The following DCC variants were observed in gnomAD, a reference collection of about 807,000 sequenced individuals.
The protein encoded by DCC is netrin receptor DCC.
In DCC, 58 loss-of-function variants were observed where a neutral mutation model predicts 172.5. That is an observed-to-expected ratio of 0.34 (90% CI 0.27 to 0.42). The LOEUF (loss-of-function observed/expected upper bound fraction) is 0.42, where lower values mean the gene tolerates loss of function less well. DCC is among the 10% of genes least tolerant of loss of function. The pLI is 1.00. For synonymous variants in DCC, 709 were observed against 644.5 expected (o/e 1.10, Z -1.52); for missense variants, 1,740 against 1,791.0 (o/e 0.97, Z 0.51).
intron 5 of DCC, among the ~76,000 whole-genome samples, chr18:52,980,308 AGTT>A (rs1205483570): frequency 6.6e-6 from 1 of 152,092 alleles, no homozygotes; most frequent in South Asian, 2.1e-4. Flanking sequence ...GAATTCAGGT[AGTT>A]GTTTGTTTTA....
At chr18:53,415,054 G>A (rs1458689187) in intron 20 of DCC, among the ~76,000 whole-genome samples, 6 of 152,182 alleles carry the variant, frequency 3.9e-5, no homozygotes, top group African/African-American at 1.2e-4. Context: ...CAATATCTAC[G>A]TATTTCAGTT....
At chr18:52,950,929 C>CAAAAAAAAAAAAAAAAAAAAA (rs755118442) in intron 5 of DCC, among the ~76,000 whole-genome samples, 1 of 57,422 alleles carries the variant, frequency 1.7e-5, no homozygotes, top group Non-Finnish European at 3.1e-5. Context: ...GACTCCGTCT[C>CAAAAAAAAAAAAAAAAAAAAA]AAAAAAAAAA....
intron 11 of DCC, among the ~76,000 whole-genome samples, chr18:53,210,648 TGAC>T (rs1175273005): frequency 1.3e-5 from 2 of 152,212 alleles, no homozygotes; most frequent in Non-Finnish European, 2.9e-5. Flanking sequence ...ATTTAATATA[TGAC>T]TGTGTCTAAA....
chr18:53,022,308 C>T (rs2041891798), intron 5 of DCC, among the ~76,000 whole-genome samples: 1 of 151,832 alleles, frequency 6.6e-6, no homozygotes, highest in South Asian at 2.1e-4. Flanking sequence ...CCCACATCTG[C>T]CATGTATTAT....
Position 52,869,278 on chromosome 18 carries a change from A to T in DCC, c.413-36766A>T, listed in dbSNP as rs2039280119. On this transcript the variant is annotated intron_variant, in intron 2 of 28. Coordinates refer to ENST00000442544, the MANE Select transcript of DCC (RefSeq NM_005215.4). The stretch of plus-strand genomic sequence containing the variant: ...TTGACAATAGAAAAGCTCAGAGGAG[A>T]CCCACAGTAGGCAGCTCCTCTTTGT... 2.6e-5 allele frequency among the ~76,000 whole-genome samples: 4 copies of T among 152,292 alleles called. 1 individual carries two copies. In the South Asian group the frequency reaches 8.3e-4, roughly 32 times the overall value.
intron 1 of DCC, among the ~76,000 whole-genome samples, chr18:52,492,788 T>C (rs559744033): frequency 3.3e-5 from 5 of 152,032 alleles, no homozygotes; most frequent in Non-Finnish European, 7.4e-5. Context: ...AGGTACAAGG[T>C]AGAGTATGTA....
chr18:52,811,668 AAG>A (rs889304344), intron 2 of DCC, among the ~76,000 whole-genome samples: 4 of 152,146 alleles, frequency 2.6e-5, no homozygotes, highest in Admixed American at 6.5e-5. Context: ...TAAACATAAA[AAG>A]AATTGATATT....
chr18:52,674,872 G>GCCTCATTTT (rs58626210), intron 1 of DCC, among the ~76,000 whole-genome samples: 15,404 of 152,120 alleles, frequency 0.1, 1,510 homozygotes, highest in African/African-American at 0.25. Flanking sequence ...AGTCAGACAT[G>GCCTCATTTT]CCTCATTTTA....
chr18:53,527,549 C>T (rs2046473038), intron 28 of DCC, among the ~76,000 whole-genome samples: 1 of 150,792 alleles, frequency 6.6e-6, no homozygotes, highest in Non-Finnish European at 1.5e-5. Flanking sequence ...TTAAGTAATA[C>T]AAAAAGGAAA....
intron 2 of DCC, among the ~76,000 whole-genome samples, chr18:52,898,931 A>C (rs577862469): frequency 2.0e-5 from 3 of 152,238 alleles, no homozygotes; most frequent in African/African-American, 7.2e-5. Context: ...GGGGACAGTG[A>C]TGTGAAGGGA....
At chr18:53,415,507 T>C (rs1483695116) in intron 20 of DCC, among the ~76,000 whole-genome samples, 1 of 152,230 alleles carries the variant, frequency 6.6e-6, no homozygotes, top group African/African-American at 2.4e-5. Flanking sequence ...AAAAGTCATC[T>C]TTAAAACAAA....
At chr18:52,732,226 A>T (rs540251394) in intron 1 of DCC, among the ~76,000 whole-genome samples, 2 of 152,310 alleles carry the variant, frequency 1.3e-5, no homozygotes, top group African/African-American at 4.8e-5. Flanking sequence ...AAGAAGCAGA[A>T]GAAAAAGGTG....
chr18:53,082,485 G>C (rs990577656), intron 7 of DCC, among the ~76,000 whole-genome samples: 1 of 151,948 alleles, frequency 6.6e-6, no homozygotes, highest in Admixed American at 6.6e-5. Context: ...AAAATAGATA[G>C]TTAAGAAATA....
chr18:53,202,635 T>G (rs2055557758), intron 9 of DCC, among the ~76,000 whole-genome samples: 1 of 152,146 alleles, frequency 6.6e-6, no homozygotes, highest in Non-Finnish European at 1.5e-5. Flanking sequence ...CCCCATGGGT[T>G]GCTTATTAGT....
chr18:53,073,418 G>A (rs1482764349), intron 7 of DCC, among the ~76,000 whole-genome samples: 1 of 152,060 alleles, frequency 6.6e-6, no homozygotes, highest in African/African-American at 2.4e-5. Flanking sequence ...CCAGCTACTT[G>A]GGAGGCTGAG....
chr18:52,379,427 A>G (rs1048630155), intron 1 of DCC, among the ~76,000 whole-genome samples: 10 of 151,968 alleles, frequency 6.6e-5, no homozygotes, highest in African/African-American at 2.4e-4. Flanking sequence ...CAGTAAAATT[A>G]TTTCCCTTGT....
At chr18:52,546,659 TATCATCATC>T (rs3086379) in intron 1 of DCC, among the ~76,000 whole-genome samples, 43 of 150,298 alleles carry the variant, frequency 2.9e-4, no homozygotes, top group African/African-American at 7.6e-4. Context: ...TCAATAATAA[TATCATCATC>T]ATCATCATCA....
At chr18:53,498,360 T>C (rs1281635055) in intron 26 of DCC, among the ~76,000 whole-genome samples, 6 of 152,220 alleles carry the variant, frequency 3.9e-5, no homozygotes, top group Admixed American at 3.3e-4. Flanking sequence ...TTGATTTATC[T>C]GACAAAACTT....
chr18:53,350,592 C>A (rs560868459), intron 15 of DCC, among the ~76,000 whole-genome samples: 47 of 151,616 alleles, frequency 3.1e-4, no homozygotes, highest in African/African-American at 1.1e-3. Flanking sequence ...ATGTTTAATA[C>A]TGGAAAAGTT....
Sources: allele counts gnomAD v4.1 joint callset (sites outside exome capture counted in the v4.1 genomes callset), GRCh38; gene constraint gnomAD v4.1.1; transcripts MANE v1.5; gene names NCBI Gene and HGNC (gene_info 2026-07-23, HGNC 2026-07-21).